Variants in PCDHGB5 observed in about 807,000 individuals in gnomAD.
PCDHGB5 encodes protocadherin gamma subfamily B, 5, also known as protocadherin gamma-B5.
A neutral mutation model predicts 62.9 loss-of-function variants in PCDHGB5; 48 were observed. The observed-to-expected ratio is 0.76, with a 90% CI of 0.61 to 0.97. PCDHGB5 has a LOEUF of 0.97. Among genes scored for constraint, PCDHGB5 ranks in the 50% least tolerant of loss-of-function variants. The pLI is 0.00. For missense variants in PCDHGB5, 1,118 were observed against 1,198.6 expected (o/e 0.93, Z 0.99); for synonymous variants, 474 against 511.2 (o/e 0.93, Z 0.98).
Position 141,477,128 on chromosome 5 carries a change from G to C in PCDHGB5, c.2398-17679G>C. On this transcript the variant is annotated intron_variant, in intron 1 of 3. Transcript: ENST00000617380. The surrounding 1 kb of genome is among the most constrained non-coding windows in gnomAD (Gnocchi z 4.9). ...CAATCCCGAAGGAGCACATTGCAAA[G>C]TGTTGGTGGAGGTTGTGGATGTGAA... 1.9e-6 allele frequency: 3 copies of C among 1,614,250 alleles called. No homozygotes were observed. The highest frequency in any genetic ancestry group is 2.5e-6 in the Non-Finnish European group (3 of 1,180,046).
chr5:141,445,825 G>A (rs1031190864), intron 1 of PCDHGB5, among the ~76,000 whole-genome samples: 8 of 152,124 alleles, frequency 5.3e-5, no homozygotes, highest in Non-Finnish European at 1.2e-4. Context: ...AATAAGGCAG[G>A]GAGAGCCTTG....
Position 141,489,153 on chromosome 5 carries a change from G to T in PCDHGB5, c.2398-5654G>T. 1 of 935,828 alleles carries T rather than the reference G, an allele frequency of 1.1e-6. No individual in the cohort carries two copies. Among genetic ancestry groups the T allele is most frequent in the South Asian group, 1.8e-5 (1 of 55,006 alleles). 58.0% of individuals were successfully genotyped at this position (935,828 alleles called of 1,614,324 possible). A position where few individuals can be genotyped will look rare whatever the true frequency, so the allele number is the denominator to read the frequency against. Reference sequence around the variant, plus strand: ...TTTAAGAGGCTGGAAGGAGACATAAGAGACTTCAGCTGCTGCATTCCAAGC... The same window carrying T: ...TTTAAGAGGCTGGAAGGAGACATAATAGACTTCAGCTGCTGCATTCCAAGC... On this transcript the variant is annotated intron_variant, in intron 1 of 3. Transcript: ENST00000617380. The surrounding 1 kb of genome is among the most constrained non-coding windows in gnomAD (Gnocchi z 4.5).
Position 141,435,556 on chromosome 5 carries a change from G to C in PCDHGB5, c.2397+35032G>C, listed in dbSNP as rs568743865. ...AGAATTAACAAAATGTGTTTTGAGT[G>C]CTTTTTTTAGTACTGGGGCAAATTT... is the stretch of plus-strand genomic sequence containing the variant. On this transcript the variant is annotated intron_variant, in intron 1 of 3. Transcript: ENST00000617380. Among the ~76,000 whole-genome samples, 7 of 152,242 alleles carry C rather than the reference G, an allele frequency of 4.6e-5. 1 individual carries two copies. Among genetic ancestry groups the C allele is most frequent in the African/African-American group, 1.4e-4 (6 of 41,544 alleles).
At position 141,505,499 on chromosome 5, in the gene PCDHGB5, G is replaced by A. The variant is rs753203943; in HGVS notation, c.2545+18G>A. ...CGCCAGTGGTAAGTGGTGTCAGTGT[G>A]TGTATGGAAGAGTGGGAGACCTGGG... is the stretch of plus-strand genomic sequence containing the variant. On this transcript the variant is annotated intron_variant, in intron 3 of 3. Transcript: ENST00000617380. 6.2e-7 allele frequency: 1 copy of A among 1,614,172 alleles called. No homozygotes were observed. The highest frequency in any genetic ancestry group is 8.5e-7 in the Non-Finnish European group (1 of 1,179,982).
Position 141,485,859 on chromosome 5 carries a change from G to A in PCDHGB5, c.2398-8948G>A, listed in dbSNP as rs1272239385. ...CCGAGATCTGGCACCGCAGAGCTCC[G>A]GGTATCCGTGCTGGACGTAAACGAC... On this transcript the variant is annotated intron_variant, in intron 1 of 3. Transcript: ENST00000617380. This position sits in a 1 kb window ranked among gnomAD's most constrained non-coding sequence, Gnocchi z 5.7. 3.7e-6 allele frequency: 6 copies of A among 1,614,046 alleles called. No homozygotes were observed. Among genetic ancestry groups the A allele is most frequent in the Admixed American group, 3.3e-5 (2 of 60,000 alleles).
Position 141,485,187 on chromosome 5 carries a change from T to A in PCDHGB5, c.2398-9620T>A, listed in dbSNP as rs1325714839. ...CGGGCGGCAGCAATGCTCCGCAAGG[T>A]GAGAAGCTGGACAGAAATCTGGCGG... On this transcript the variant is annotated intron_variant, in intron 1 of 3. Transcript: ENST00000617380. This position sits in a 1 kb window ranked among gnomAD's most constrained non-coding sequence, Gnocchi z 5.7. 1 of 1,613,502 alleles carries A rather than the reference T, an allele frequency of 6.2e-7. No individual in the cohort carries two copies. The highest frequency in any genetic ancestry group is 1.7e-5 in the Admixed American group (1 of 60,018).
chr5:141,410,714 T>C (rs1561730445), intron 1 of PCDHGB5: 7 of 1,434,512 alleles, frequency 4.9e-6, no homozygotes, highest in Middle Eastern at 1.8e-4. Flanking sequence ...TAGAATCATA[T>C]GTTTAAAATC....
intron 1 of PCDHGB5, chr5:141,417,121 G>C (rs2096086482): frequency 6.6e-6 from 1 of 152,110 alleles, no homozygotes; most frequent in Non-Finnish European, 1.5e-5. Context: ...GGACACCCTG[G>C]ATGATGGTAA....
intron 1 of PCDHGB5, chr5:141,413,590 G>A (rs759901330): frequency 1.2e-6 from 2 of 1,613,886 alleles, no homozygotes; most frequent in Non-Finnish European, 1.7e-6. Flanking sequence ...AAAATTCCAA[G>A]CAGAAAATCT....
Position 141,486,486 on chromosome 5 carries a change from A to G in PCDHGB5, c.2398-8321A>G. The G allele has an allele frequency of 6.2e-7, 1 of 1,614,056 alleles. No individual in the cohort carries two copies. Among genetic ancestry groups the G allele is most frequent in the South Asian group, 1.1e-5 (1 of 91,084 alleles). ...GCTGGGAACCCTCCTCTCAGTACCC[A>G]CAGAACTATTTTCCTCAATATTTCA... On this transcript the variant is annotated intron_variant, in intron 1 of 3. Coordinates refer to ENST00000617380, the MANE Select transcript of PCDHGB5 (RefSeq NM_018925.3). The surrounding 1 kb of genome is among the most constrained non-coding windows in gnomAD (Gnocchi z 5.0).
In PCDHGB5 at chr5:141,432,009, G is replaced by A. The variant is rs1227754190; in HGVS notation, c.2397+31485G>A. ...GTCTTGGATAGGGAACAGGTTCCTA[G>A]CTACAACATCACAGTGACCGCCACT... On this transcript the variant is annotated intron_variant, in intron 1 of 3. Coordinates refer to ENST00000617380, the MANE Select transcript of PCDHGB5 (RefSeq NM_018925.3). The surrounding 1 kb of genome is among the most constrained non-coding windows in gnomAD (Gnocchi z 6.0). The A allele has an allele frequency of 1.2e-6, 2 of 1,614,188 alleles. No homozygotes were observed. The highest frequency in any genetic ancestry group is 1.7e-6 in the Non-Finnish European group (2 of 1,180,024).
chr5:141,421,201 C>A, intron 1 of PCDHGB5: 3 of 1,518,204 alleles, frequency 2.0e-6, no homozygotes, highest in Non-Finnish European at 2.6e-6. Context: ...GCTCGAGAAA[C>A]CGCGGAATAT....
intron 1 of PCDHGB5, among the ~76,000 whole-genome samples, chr5:141,465,407 A>G (rs1019401245): frequency 6.6e-6 from 1 of 152,218 alleles, no homozygotes; most frequent in African/African-American, 2.4e-5. Flanking sequence ...AGAAGAAGCC[A>G]AATCAGCACT....
In PCDHGB5 at chr5:141,423,972, T is replaced by C. The variant is rs1459859824; in HGVS notation, c.2397+23448T>C. ...TTTAGTATTATTTTTCTATTATCAG[T>C]GTATGAGGCTCTCAATTTATTATAT... On this transcript the variant is annotated intron_variant, in intron 1 of 3. Transcript: ENST00000617380. 4 of 1,128,544 alleles carry C rather than the reference T, an allele frequency of 3.5e-6. No homozygotes were observed. The East Asian group carries it at 1.9e-4, about 53-fold the overall frequency. The allele number at this position is 1,128,544 out of a possible 1,614,324, so 69.9% of individuals were successfully genotyped here.
rs771804151 is a variant in PCDHGB5, at chr5:141,486,704, A to G, written c.2398-8103A>G. On this transcript the variant is annotated intron_variant, in intron 1 of 3. Coordinates refer to ENST00000617380, the MANE Select transcript of PCDHGB5 (RefSeq NM_018925.3). The surrounding 1 kb of genome is among the most constrained non-coding windows in gnomAD (Gnocchi z 5.0). ...ATCAGCTTCCTCTTTCATCTCTCTG[A>G]ACCCCCAGACAGGAGCTGTTCATGC... 2.2e-5 allele frequency: 35 copies of G among 1,614,016 alleles called. No homozygotes were observed. Among genetic ancestry groups the G allele is most frequent in the Non-Finnish European group, 2.7e-5 (32 of 1,180,032 alleles).
intron 1 of PCDHGB5, among the ~76,000 whole-genome samples, chr5:141,435,245 G>A (rs577996994): frequency 6.6e-6 from 1 of 152,132 alleles, no homozygotes; most frequent in Admixed American, 6.5e-5. Context: ...ATTCTTTCTG[G>A]CCATTAGGGA....
chr5:141,409,187 A>C, intron 1 of PCDHGB5: 1 of 1,614,024 alleles, frequency 6.2e-7, no homozygotes, highest in Non-Finnish European at 8.5e-7. Flanking sequence ...TGGTCTCTCT[A>C]CCCAGTGTAA....
At position 141,493,887 on chromosome 5, in the gene PCDHGB5, G is replaced by C. The variant is rs760575047; in HGVS notation, c.2398-920G>C. On this transcript the variant is annotated intron_variant, in intron 1 of 3. Transcript: ENST00000617380. This position sits in a 1 kb window ranked among gnomAD's most constrained non-coding sequence, Gnocchi z 4.3. Reference sequence around the variant, plus strand: ...AGAACCAGTGAGGAGGTGGCTCTAGGAGTGCTCCATGAGAGTGTGTGATGG... The same window carrying C: ...AGAACCAGTGAGGAGGTGGCTCTAGCAGTGCTCCATGAGAGTGTGTGATGG... Among the ~76,000 whole-genome samples, 11 of 152,184 alleles carry C rather than the reference G, an allele frequency of 7.2e-5. No homozygotes were observed. Among genetic ancestry groups the C allele is most frequent in the Non-Finnish European group, 1.2e-4 (8 of 68,026 alleles).
In PCDHGB5 at chr5:141,414,949, G is replaced by A. The variant is rs774769957; in HGVS notation, c.2397+14425G>A. On this transcript the variant is annotated intron_variant, in intron 1 of 3. Transcript: ENST00000617380. ...CCGCTCCGCAGAGCCCGGCTACCTGGTGACCAAGGTGGTGGCGGTGGACAG... is the reference window on the plus strand; with the variant it reads ...CCGCTCCGCAGAGCCCGGCTACCTGATGACCAAGGTGGTGGCGGTGGACAG... The A allele has an allele frequency of 8.1e-6, 13 of 1,614,096 alleles. 1 individual carries two copies. The South Asian group carries it at 1.4e-4, about 18-fold the overall frequency.
Sources: allele counts gnomAD v4.1 joint callset (sites outside exome capture counted in the v4.1 genomes callset), GRCh38; gene constraint gnomAD v4.1.1; non-coding constraint Gnocchi (gnomAD v3.1); transcripts MANE v1.5; gene names NCBI Gene and HGNC (gene_info 2026-07-23, HGNC 2026-07-21).